DCLK1: variants seen among roughly 807,000 people sequenced by gnomAD.
The protein encoded by DCLK1 is doublecortin like kinase 1.
In DCLK1, 16 loss-of-function variants were observed where a neutral mutation model predicts 86.2. The observed-to-expected ratio is 0.19, with a 90% CI of 0.13 to 0.28. DCLK1 has a LOEUF of 0.28. DCLK1 is among the 10% of genes least tolerant of loss of function. The pLI, the probability that DCLK1 is intolerant of heterozygous loss-of-function variation, is 1.00. For synonymous variants in DCLK1, 369 were observed against 370.5 expected, an observed-to-expected ratio of 1.00 and a Z score of 0.05; for missense variants, 590 against 940.2, an observed-to-expected ratio of 0.63 and a Z score of 4.87.
chr13:35,992,162 T>C (rs913652333), intron 3 of DCLK1, among the ~76,000 whole-genome samples: 2 of 152,196 alleles, frequency 1.3e-5, no homozygotes, highest in Non-Finnish European at 2.9e-5. Context: ...AGTTCGCACT[T>C]CTTCCTTCTG....
chr13:35,911,058 C>T (rs559012809), intron 4 of DCLK1, among the ~76,000 whole-genome samples: 11 of 147,946 alleles, frequency 7.4e-5, no homozygotes, highest in South Asian at 2.2e-4. Context: ...CAGAGGTGGG[C>T]GGATCACAAG....
intron 3 of DCLK1, among the ~76,000 whole-genome samples, chr13:35,989,179 C>T (rs1880090094): frequency 6.6e-6 from 1 of 152,230 alleles, no homozygotes; most frequent in African/African-American, 2.4e-5. Flanking sequence ...CTTTGACAGA[C>T]TCCCTTAAGA....
chr13:36,070,257 G>A (rs576697617), intron 3 of DCLK1, among the ~76,000 whole-genome samples: 5 of 152,270 alleles, frequency 3.3e-5, no homozygotes, highest in Admixed American at 6.5e-5. Context: ...TAACAAGGAC[G>A]TAATACGAGT....
chr13:35,967,175 G>A (rs1185087368), intron 3 of DCLK1, among the ~76,000 whole-genome samples: 5 of 150,664 alleles, frequency 3.3e-5, no homozygotes, highest in Admixed American at 2.0e-4. Context: ...GGGAGGTGAG[G>A]AGCGTCTCTG....
intron 3 of DCLK1, among the ~76,000 whole-genome samples, chr13:36,046,560 T>C (rs1882922092): frequency 6.6e-6 from 1 of 152,168 alleles, no homozygotes. Context: ...ACAGGAGGAA[T>C]AGGTAATAGC....
intron 6 of DCLK1, among the ~76,000 whole-genome samples, chr13:35,843,611 G>A (rs1869974023): frequency 6.6e-6 from 1 of 152,150 alleles, no homozygotes; most frequent in Non-Finnish European, 1.5e-5. Context: ...TGGGGTCCAT[G>A]CTGCATAAAG....
chr13:35,832,624 G>A (rs1869046726), intron 8 of DCLK1, among the ~76,000 whole-genome samples: 1 of 152,106 alleles, frequency 6.6e-6, no homozygotes, highest in African/African-American at 2.4e-5. Flanking sequence ...CACAATGACA[G>A]GAATACCACC....
intron 3 of DCLK1, among the ~76,000 whole-genome samples, chr13:35,962,728 T>G (rs1566623170): frequency 6.6e-6 from 1 of 152,202 alleles, no homozygotes; most frequent in African/African-American, 2.4e-5. Context: ...AGGAAAACTC[T>G]AAAGCATAGG....
intron 3 of DCLK1, among the ~76,000 whole-genome samples, chr13:35,986,016 G>A (rs113866203): frequency 2.6e-5 from 4 of 152,064 alleles, no homozygotes; most frequent in South Asian, 2.1e-4. Context: ...TTAAAAGGCC[G>A]ATGAAGGTCG....
chr13:35,967,710 C>T (rs1336047140), intron 3 of DCLK1, among the ~76,000 whole-genome samples: 2 of 152,206 alleles, frequency 1.3e-5, no homozygotes, highest in East Asian at 3.9e-4. Flanking sequence ...GGGCCCTCTG[C>T]CTAGGAAAAA....
At chr13:35,927,902 G>A (rs1385364675) in intron 4 of DCLK1, among the ~76,000 whole-genome samples, 1 of 152,156 alleles carries the variant, frequency 6.6e-6, no homozygotes, top group Non-Finnish European at 1.5e-5. Context: ...AGCTGAGTGA[G>A]CCTCCTGCTT....
intron 4 of DCLK1, among the ~76,000 whole-genome samples, chr13:35,888,540 T>C (rs937655018): frequency 5.6e-5 from 1 of 17,784 alleles, no homozygotes; most frequent in Non-Finnish European, 1.3e-4. Flanking sequence ...TGTAAGTCCC[T>C]GGGTACAGCA....
chr13:35,994,121 A>G (rs536571101), intron 3 of DCLK1, among the ~76,000 whole-genome samples: 27 of 152,314 alleles, frequency 1.8e-4, no homozygotes, highest in Non-Finnish European at 3.1e-4. Flanking sequence ...AAAAAAAAAA[A>G]AATCTAACAT....
At chr13:35,781,192 C>T (rs191711459) in intron 16 of DCLK1, among the ~76,000 whole-genome samples, 453 of 152,316 alleles carry the variant, frequency 3.0e-3, no homozygotes, top group African/African-American at 9.6e-3. Context: ...AGTCACCCCA[C>T]GTCTCTATGC....
chr13:36,070,770 T>C (rs1448909861), intron 3 of DCLK1, among the ~76,000 whole-genome samples: 1 of 152,064 alleles, frequency 6.6e-6, no homozygotes, highest in Admixed American at 6.5e-5. Flanking sequence ...GCCTCCTGAG[T>C]AGCTGGGATT....
At chr13:36,093,869 A>T (rs539810125) in intron 3 of DCLK1, among the ~76,000 whole-genome samples, 1 of 152,308 alleles carries the variant, frequency 6.6e-6, no homozygotes, top group Non-Finnish European at 1.5e-5. Context: ...TGTCTTACAT[A>T]TTTTCAGGTA....
chr13:36,126,015 G>A lies in DCLK1; in HGVS notation c.123C>T (p.Phe41=). The A allele has an allele frequency of 6.2e-7, 1 of 1,614,116 alleles. No homozygotes were observed. The highest frequency in any genetic ancestry group is 8.5e-7 in the Non-Finnish European group (1 of 1,180,038). ...GCGTCTGCAGCGTGCGGGTGCGGTA[G>A]AAGCTGCAGTGGGCGCTGTGCGTCG... ...PSPTHSAHCS[F]YRTRTLQTLS... The change falls in exon 2 of 17, where the codon TTC becomes TTT. Residue 41 remains phenylalanine, a synonymous_variant. Transcript: ENST00000360631.
Position 36,025,642 on chromosome 13 carries a change from G to T in DCLK1, c.724-78185C>A, listed in dbSNP as rs1473564189. The stretch of plus-strand genomic sequence containing the variant: ...CAAAAGAATGCAAAACGAACCAAAG[G>T]CCACATATTGTATAGGCCCATTTAT... On this transcript the variant is annotated intron_variant, in intron 3 of 16. Transcript: ENST00000360631. 3.3e-5 allele frequency among the ~76,000 whole-genome samples: 5 copies of T among 152,166 alleles called. No homozygotes were observed. In the East Asian group the frequency reaches 9.7e-4, roughly 29 times the overall value.
intron 8 of DCLK1, 138 bp downstream of exon 8, chr13:35,835,895 C>CA (rs1298830896): frequency 1.6e-6 from 1 of 622,500 alleles, no homozygotes; most frequent in East Asian, 2.9e-5. Flanking sequence ...CTTTCTTTTG[C>CA]AAAAAATTCT....
Sources: allele counts gnomAD v4.1 joint callset (sites outside exome capture counted in the v4.1 genomes callset), GRCh38; gene constraint gnomAD v4.1.1; transcripts MANE v1.5; gene names NCBI Gene and HGNC (gene_info 2026-07-23, HGNC 2026-07-21).